RARB: variants seen among roughly 807,000 people sequenced by gnomAD.
The protein encoded by RARB is retinoic acid receptor beta, also known as HBV-activated protein.
A neutral mutation model predicts 51.9 loss-of-function variants in RARB; 17 were observed. The observed-to-expected ratio is 0.33, with a 90% CI of 0.22 to 0.49. The LOEUF (loss-of-function observed/expected upper bound fraction) is 0.49, where lower values mean the gene tolerates loss of function less well. RARB is among the 20% of genes least tolerant of loss of function. RARB has a pLI of 0.99. For missense variants in RARB, 369 were observed against 550.8 expected (o/e 0.67, Z 3.30); for synonymous variants, 215 against 195.4 (o/e 1.10, Z -0.84).
chr3:25,112,968 A>G (rs1046117372), intron 3 of RARB, among the ~76,000 whole-genome samples: 1 of 152,052 alleles, frequency 6.6e-6, no homozygotes, highest in African/African-American at 2.4e-5. Flanking sequence ...TTTAGTATAG[A>G]TCTGATTTTG....
chr3:25,497,996 C>T (rs1559435272), intron 2 of RARB, among the ~76,000 whole-genome samples: 2 of 152,234 alleles, frequency 1.3e-5, no homozygotes, highest in Middle Eastern at 3.4e-3. Context: ...TGGCCAAGCT[C>T]CCTTTTCAGC....
At position 25,158,655 on chromosome 3, in the gene RARB, T is replaced by A. The variant is rs547086301; in HGVS notation, c.-279-15464T>A. On this transcript the variant is annotated intron_variant, in intron 4 of 11. Transcript: ENST00000383772. ...AAATTGAAGTACAAATATAAAGTCA[T>A]GAAATTATTATCTTTATGTAATTAA... Among the ~76,000 whole-genome samples the A allele has an allele frequency of 2.6e-5, 4 of 152,320 alleles. No individual in the cohort carries two copies. In the South Asian group the frequency reaches 6.2e-4, roughly 24 times the overall value.
At chr3:25,051,445 C>A (rs1457479001) in intron 2 of RARB, among the ~76,000 whole-genome samples, 2 of 152,028 alleles carry the variant, frequency 1.3e-5, no homozygotes, top group African/African-American at 4.8e-5. Context: ...AAAGTAGAAT[C>A]CAGCCTCATT....
At chr3:25,523,960 T>G (rs889999091) in intron 3 of RARB, among the ~76,000 whole-genome samples, 15 of 152,196 alleles carry the variant, frequency 9.9e-5, no homozygotes, top group African/African-American at 3.6e-4. Context: ...AAAAACTGCC[T>G]CTTTAAAAAG....
rs556603544 is a variant in RARB at position 25,392,711 on chromosome 3, G to A, written c.179-68482G>A. Among the ~76,000 whole-genome samples the A allele has an allele frequency of 2.6e-5, 4 of 152,142 alleles. No individual in the cohort carries two copies. The East Asian group carries it at 7.7e-4, about 29-fold the overall frequency. The stretch of plus-strand genomic sequence containing the variant: ...GCTTGGTCACTGTAGATGCATAGCA[G>A]TGCTACTGATTTGTGTACATTGATT... On this transcript the variant is annotated intron_variant, in intron 5 of 11. Coordinates refer to the RARB transcript ENST00000383772.
chr3:25,584,704 G>A (rs1701315711), intron 5 of RARB, among the ~76,000 whole-genome samples: 1 of 152,148 alleles, frequency 6.6e-6, no homozygotes, highest in Admixed American at 6.6e-5. Flanking sequence ...ATCCTATAGA[G>A]TCACTGGGTT....
In RARB at chr3:25,415,947, C is replaced by G. The variant is rs545353568; in HGVS notation, c.179-45246C>G. Among the ~76,000 whole-genome samples, 3 of 152,144 alleles carry G rather than the reference C, an allele frequency of 2.0e-5. No individual in the cohort carries two copies. The South Asian group carries it at 6.2e-4, about 32-fold the overall frequency. ...CATACAGTAAAAAGTAGATACATGCCAGGTAGGGTTATAAATAAAAAATGC... is the reference window on the plus strand; with the variant it reads ...CATACAGTAAAAAGTAGATACATGCGAGGTAGGGTTATAAATAAAAAATGC... On this transcript the variant is annotated intron_variant, in intron 5 of 11. Transcript: ENST00000383772.
intron 5 of RARB, among the ~76,000 whole-genome samples, chr3:25,219,025 T>C (rs1701890666): frequency 6.6e-6 from 1 of 152,190 alleles, no homozygotes; most frequent in South Asian, 2.1e-4. Context: ...TCATTCCCTT[T>C]GTCAACCCAT....
chr3:25,135,530 T>C (rs889080778), intron 4 of RARB, among the ~76,000 whole-genome samples: 1 of 151,948 alleles, frequency 6.6e-6, no homozygotes, highest in Non-Finnish European at 1.5e-5. Context: ...TTGCAAATGA[T>C]TTGTGGTAAT....
chr3:25,094,542 C>T (rs895402832), intron 3 of RARB, among the ~76,000 whole-genome samples: 1 of 151,772 alleles, frequency 6.6e-6, no homozygotes, highest in Non-Finnish European at 1.5e-5. Flanking sequence ...CTTGGCAAAA[C>T]CTTGTCTCTA....
chr3:25,226,344 C>T (rs1236931662), intron 5 of RARB, among the ~76,000 whole-genome samples: 2 of 152,114 alleles, frequency 1.3e-5, no homozygotes, highest in African/African-American at 2.4e-5. Flanking sequence ...AGTGAACTTG[C>T]TCTGACTTCA....
intron 2 of RARB, among the ~76,000 whole-genome samples, chr3:24,946,363 A>G (rs1338537353): frequency 1.9e-5 from 2 of 105,098 alleles, no homozygotes; most frequent in African/African-American, 5.4e-5. Context: ...AACCCGAGCC[A>G]GTTCAGAGTG....
intron 5 of RARB, among the ~76,000 whole-genome samples, chr3:25,286,194 T>TCAC (rs1448149883): frequency 2.8e-5 from 4 of 144,688 alleles, no homozygotes; most frequent in Middle Eastern, 7.0e-3. Context: ...GTTCACGCCA[T>TCAC]TCTCCTGCCT....
At chr3:25,580,073 T>A (rs999651972) in intron 4 of RARB, among the ~76,000 whole-genome samples, 2 of 152,250 alleles carry the variant, frequency 1.3e-5, no homozygotes, top group Non-Finnish European at 2.9e-5. Flanking sequence ...AGATTTTAAG[T>A]GTTTTAAAAG....
At chr3:25,595,559 T>A (rs958824664) in intron 7 of RARB, among the ~76,000 whole-genome samples, 2 of 152,194 alleles carry the variant, frequency 1.3e-5, no homozygotes, top group Non-Finnish European at 1.5e-5. Context: ...ATGAGGCTGT[T>A]TAACATAATA....
chr3:25,369,059 A>G (rs905613608), intron 5 of RARB, among the ~76,000 whole-genome samples: 1 of 152,162 alleles, frequency 6.6e-6, no homozygotes, highest in African/African-American at 2.4e-5. Context: ...GTGGTGGGAG[A>G]GAGGAGTAGG....
At chr3:25,082,522 G>C (rs1361946207) in intron 3 of RARB, among the ~76,000 whole-genome samples, 3 of 151,912 alleles carry the variant, frequency 2.0e-5, no homozygotes, top group African/African-American at 7.2e-5. Context: ...ATTTCTCCAA[G>C]TATAATGGTA....
intron 2 of RARB, among the ~76,000 whole-genome samples, chr3:25,040,130 G>A (rs988303680): frequency 2.0e-5 from 3 of 152,138 alleles, no homozygotes; most frequent in African/African-American, 7.2e-5. Flanking sequence ...TGTTATTGTG[G>A]GAGCAGTGAA....
chr3:25,211,558 G>C (rs544985253), intron 5 of RARB, among the ~76,000 whole-genome samples: 7 of 152,300 alleles, frequency 4.6e-5, no homozygotes, highest in Non-Finnish European at 7.4e-5. Context: ...GAAAACTCCA[G>C]CATCAAGGGA....
Sources: gnomAD v4.1 joint callset for allele counts (sites outside exome capture counted in the v4.1 genomes callset) on GRCh38, gnomAD v4.1.1 for gene constraint, MANE v1.5 for transcripts, NCBI Gene and HGNC (gene_info 2026-07-23, HGNC 2026-07-21) for gene names.